Variants in GOLGA5 observed in about 807,000 individuals in gnomAD.
The protein encoded by GOLGA5 is golgin A5.
In GOLGA5, 50 loss-of-function variants were observed where a neutral mutation model predicts 93.5. That is an observed-to-expected ratio of 0.53 (90% CI 0.43 to 0.68). The LOEUF is 0.68. Among genes scored for constraint, GOLGA5 ranks in the 30% least tolerant of loss-of-function variants. The pLI is 0.00. For synonymous variants in GOLGA5, 312 were observed against 304.5 expected (o/e 1.02, Z -0.26); for missense variants, 760 against 856.4 (o/e 0.89, Z 1.40).
At chr14:92,818,831 T>C (rs552901692) in intron 7 of GOLGA5, among the ~76,000 whole-genome samples, 14 of 152,178 alleles carry the variant, frequency 9.2e-5, no homozygotes, top group South Asian at 2.1e-4. Flanking sequence ...GGGGAAAATA[T>C]AGAAACCTAG....
chr14:92,796,266 C>T (rs1261282081), intron 1 of GOLGA5, among the ~76,000 whole-genome samples: 1 of 152,248 alleles, frequency 6.6e-6, no homozygotes, highest in East Asian at 1.9e-4. Flanking sequence ...TGGAGTTTTG[C>T]CATATTGGTT....
At chr14:92,800,336 TAAA>T (rs1165789885) in intron 2 of GOLGA5, among the ~76,000 whole-genome samples, 2 of 152,220 alleles carry the variant, frequency 1.3e-5, no homozygotes, top group African/African-American at 4.8e-5. Flanking sequence ...AGCTGGGTCT[TAAA>T]GAATGAACAG....
chr14:92,827,796 A>G (rs1385761258), intron 9 of GOLGA5, among the ~76,000 whole-genome samples: 2 of 152,220 alleles, frequency 1.3e-5, no homozygotes, highest in African/African-American at 4.8e-5. Flanking sequence ...AATGATAAGA[A>G]AGCCAAACAG....
intron 10 of GOLGA5, among the ~76,000 whole-genome samples, chr14:92,834,334 T>C (rs974067845): frequency 2.0e-5 from 3 of 152,226 alleles, no homozygotes; most frequent in African/African-American, 4.8e-5. Context: ...GTCTATCTCC[T>C]AATACTATCC....
intron 4 of GOLGA5, 125 bp from the exon 5 acceptor site, chr14:92,810,129 C>T: frequency 1.6e-6 from 1 of 638,656 alleles, no homozygotes; most frequent in South Asian, 2.0e-5. Context: ...AAAGATTTAT[C>T]TAAGAATATT....
At chr14:92,820,698 G>GC (rs1025240722) in intron 8 of GOLGA5, among the ~76,000 whole-genome samples, 1 of 152,162 alleles carries the variant, frequency 6.6e-6, no homozygotes, top group Non-Finnish European at 1.5e-5. Flanking sequence ...AGTGCATTGT[G>GC]CCCCTGGTTT....
At chr14:92,826,094 G>A (rs919369987) in intron 9 of GOLGA5, among the ~76,000 whole-genome samples, 1 of 152,148 alleles carries the variant, frequency 6.6e-6, no homozygotes, top group Non-Finnish European at 1.5e-5. Flanking sequence ...GTTCAAGGCT[G>A]CAGTGAGCTA....
chr14:92,839,139 T>C (rs1885707906), intron 12 of GOLGA5, among the ~76,000 whole-genome samples: 1 of 152,242 alleles, frequency 6.6e-6, no homozygotes, highest in African/African-American at 2.4e-5. Context: ...ATATTGTGAA[T>C]GTGTTGAAGT....
intron 9 of GOLGA5, among the ~76,000 whole-genome samples, chr14:92,827,784 C>A (rs1050214829): frequency 6.6e-6 from 1 of 152,146 alleles, no homozygotes; most frequent in African/African-American, 2.4e-5. Context: ...AGTGAACATA[C>A]GAATGATAAG....
intron 8 of GOLGA5, 44 bp downstream of exon 8, chr14:92,819,880 C>G: frequency 6.3e-7 from 1 of 1,597,910 alleles, no homozygotes; most frequent in Non-Finnish European, 8.6e-7. Context: ...TGTCCTCTAG[C>G]GGTCATATGA....
intron 6 of GOLGA5, among the ~76,000 whole-genome samples, chr14:92,812,233 A>G (rs1430582694): frequency 2.0e-5 from 3 of 152,178 alleles, no homozygotes; most frequent in African/African-American, 7.2e-5. Context: ...TCAGAGGGAA[A>G]ACATGTCCTT....
chr14:92,833,416 A>G lies in GOLGA5; in HGVS notation c.1945+69A>G, dbSNP rs1468995140. On this transcript the variant is annotated intron_variant, in intron 10 of 12. Transcript: ENST00000163416. ...GCTTTTGAAAAGTTATAGAAGGACTATTTTTATTTGAAAGAAACTTCATCC... is the reference window on the plus strand; with the variant it reads ...GCTTTTGAAAAGTTATAGAAGGACTGTTTTTATTTGAAAGAAACTTCATCC... 5.3e-6 allele frequency: 6 copies of G among 1,134,874 alleles called. No homozygotes were observed. In the Admixed American group the frequency reaches 5.6e-5, roughly 11 times the overall value. 70.3% of individuals were successfully genotyped at this position (1,134,874 alleles called of 1,614,324 possible).
intron 9 of GOLGA5, among the ~76,000 whole-genome samples, chr14:92,828,452 A>T (rs559743923): frequency 6.6e-6 from 1 of 152,260 alleles, no homozygotes; most frequent in Non-Finnish European, 1.5e-5. Context: ...ATTGCTCAGA[A>T]TAAAAGATTC....
intron 8 of GOLGA5, among the ~76,000 whole-genome samples, chr14:92,820,694 T>G (rs970108808): frequency 5.3e-5 from 8 of 152,192 alleles, no homozygotes; most frequent in Admixed American, 3.9e-4. Context: ...CCGCAGTGCA[T>G]TGTGCCCCTG....
chr14:92,808,048 CA>C (rs1885026615), intron 3 of GOLGA5, among the ~76,000 whole-genome samples: 1 of 152,018 alleles, frequency 6.6e-6, no homozygotes, highest in African/African-American at 2.4e-5. Context: ...GTCTGGCCAA[CA>C]TGGTGAAACC....
intron 2 of GOLGA5, among the ~76,000 whole-genome samples, chr14:92,803,131 G>A (rs1182258682): frequency 6.6e-6 from 1 of 152,014 alleles, no homozygotes; most frequent in African/African-American, 2.4e-5. Flanking sequence ...AATCTCCCAG[G>A]CTCAAGCAAT....
chr14:92,806,650 C>T, intron 2 of GOLGA5, 86 bp from the exon 3 acceptor site: 2 of 870,656 alleles, frequency 2.3e-6, no homozygotes, highest in Non-Finnish European at 3.8e-6. Context: ...CTGTAGCAGT[C>T]AACTTGAGCA....
chr14:92,826,798 T>TG (rs1885432655), intron 9 of GOLGA5, among the ~76,000 whole-genome samples: 1 of 152,056 alleles, frequency 6.6e-6, no homozygotes, highest in Non-Finnish European at 1.5e-5. Context: ...TAATTAGACT[T>TG]GCAAAGTTAC....
chr14:92,816,345 G>A lies in GOLGA5; in HGVS notation c.1415G>A (p.Arg472Gln), dbSNP rs768904772. ...AGTAGCATGGAGCTGGAAGAACTTC[G>A]GCATGAGAAAGAGATGCAGAGGGAG... ...TASSMELEEL[R>Q]HEKEMQREEI... The change falls in exon 7 of 13, where the codon CGG becomes CAG. Residue 472 changes from arginine to glutamine, a missense_variant. Physicochemically the swap from Arg to Gln is conservative, Grantham distance 43. Transcript: ENST00000163416. The A allele has an allele frequency of 3.7e-6, 6 of 1,613,744 alleles. No individual in the cohort carries two copies. Among genetic ancestry groups the A allele is most frequent in the African/African-American group, 2.7e-5 (2 of 74,912 alleles).
Sources: gnomAD v4.1 joint callset for allele counts (sites outside exome capture counted in the v4.1 genomes callset) on GRCh38, gnomAD v4.1.1 for gene constraint, MANE v1.5 for transcripts, NCBI Gene and HGNC (gene_info 2026-07-23, HGNC 2026-07-21) for gene names.